PAM: variants seen among roughly 807,000 people sequenced by gnomAD.
PAM encodes the protein peptidylglycine alpha-amidating monooxygenase.
A neutral mutation model predicts 122.1 loss-of-function variants in PAM; 72 were observed. The observed-to-expected ratio is 0.59, with a 90% CI of 0.49 to 0.72. The LOEUF is 0.72. Ranked by LOEUF, PAM falls within the 30% of genes least tolerant of loss-of-function variation. PAM has a pLI of 0.00. For missense variants in PAM, 1,106 were observed against 1,183.7 expected (o/e 0.93, Z 0.96); for synonymous variants, 389 against 404.4 (o/e 0.96, Z 0.46).
In PAM at chr5:102,816,369, G is replaced by A. The variant is rs945816652; in HGVS notation, c.-373-49454G>A. 2.1e-4 allele frequency among the ~76,000 whole-genome samples: 32 copies of A among 152,146 alleles called. 1 individual carries two copies. The highest frequency in any genetic ancestry group is 7.5e-4 in the African/African-American group (31 of 41,434). ...TACATTATAGGAGGAGAGAGAAGAT[G>A]AGAACACAGGACTGTGATGCCACAC... is the stretch of plus-strand genomic sequence containing the variant. On this transcript the variant is annotated intron_variant, in intron 1 of 25. Coordinates refer to ENST00000438793, the MANE Select transcript of PAM (RefSeq NM_001177306.2).
Position 102,984,029 on chromosome 5 carries a change from A to G in PAM, c.1484-6243A>G, listed in dbSNP as rs187885148. Among the ~76,000 whole-genome samples, 39 of 152,348 alleles carry G rather than the reference A, an allele frequency of 2.6e-4. No individual in the cohort carries two copies. In the East Asian group the frequency reaches 7.5e-3, roughly 29 times the overall value. On this transcript the variant is annotated intron_variant, in intron 15 of 25. Coordinates refer to ENST00000438793, the MANE Select transcript of PAM (RefSeq NM_001177306.2). ...ATAAAGAAGTCCAGATTTTACCTCTATAAGCAAAACAACAATATCTACCAT... is the reference window on the plus strand; with the variant it reads ...ATAAAGAAGTCCAGATTTTACCTCTGTAAGCAAAACAACAATATCTACCAT...
At chr5:102,933,228 A>G (rs1051243296) in intron 7 of PAM, among the ~76,000 whole-genome samples, 3 of 152,252 alleles carry the variant, frequency 2.0e-5, no homozygotes, top group Non-Finnish European at 1.5e-5. Context: ...TAGATACAGA[A>G]TCTAGATGAG....
intron 1 of PAM, among the ~76,000 whole-genome samples, chr5:102,819,421 A>C (rs1389462551): frequency 4.0e-5 from 6 of 151,712 alleles, no homozygotes; most frequent in Non-Finnish European, 8.8e-5. Context: ...AATAGTATAA[A>C]TTTGTATTTA....
At chr5:102,960,166 C>T (rs1414984766) in intron 13 of PAM, 107 bp downstream of exon 13, 1 of 639,498 alleles carries the variant, frequency 1.6e-6, no homozygotes, top group Admixed American at 3.1e-5. Context: ...CTTCTTCTAC[C>T]AGTCACATGT....
chr5:102,818,639 G>T (rs1223034013), intron 1 of PAM, among the ~76,000 whole-genome samples: 1 of 152,088 alleles, frequency 6.6e-6, no homozygotes, highest in East Asian at 1.9e-4. Context: ...TCCAGAGAAA[G>T]CCTACTTATC....
chr5:102,909,770 A>G (rs1302892649), intron 4 of PAM, among the ~76,000 whole-genome samples: 1 of 151,892 alleles, frequency 6.6e-6, no homozygotes, highest in Non-Finnish European at 1.5e-5. Context: ...TATGCAAGCT[A>G]AGCTATTTAC....
At chr5:103,003,944 C>T (rs572892303) in intron 17 of PAM, among the ~76,000 whole-genome samples, 2 of 150,848 alleles carry the variant, frequency 1.3e-5, no homozygotes. Context: ...TTCGAGATGG[C>T]ACTTGGCAGC....
intron 1 of PAM, among the ~76,000 whole-genome samples, chr5:102,853,644 G>A (rs1234971952): frequency 6.6e-6 from 1 of 152,174 alleles, no homozygotes; most frequent in Admixed American, 6.5e-5. Context: ...ATTTGGTAGA[G>A]CATTTATCAA....
At chr5:102,995,685 T>A (rs1207299991) in intron 16 of PAM, among the ~76,000 whole-genome samples, 1 of 152,152 alleles carries the variant, frequency 6.6e-6, no homozygotes, top group Non-Finnish European at 1.5e-5. Flanking sequence ...GGATGTATGA[T>A]ACCTAGTTCT....
intron 12 of PAM, among the ~76,000 whole-genome samples, chr5:102,951,705 A>T (rs1219302707): frequency 6.6e-6 from 1 of 152,150 alleles, no homozygotes; most frequent in East Asian, 1.9e-4. Flanking sequence ...AGCATTTGAT[A>T]TAGTGTAAAA....
At chr5:102,790,377 T>C (rs1450841588) in intron 1 of PAM, among the ~76,000 whole-genome samples, 4 of 152,098 alleles carry the variant, frequency 2.6e-5, no homozygotes, top group African/African-American at 9.6e-5. Flanking sequence ...AGTGCTATTA[T>C]TCCCATTGTA....
At chr5:102,789,014 T>C (rs1761331906) in intron 1 of PAM, among the ~76,000 whole-genome samples, 1 of 152,148 alleles carries the variant, frequency 6.6e-6, no homozygotes, top group South Asian at 2.1e-4. Flanking sequence ...TGGATGACAT[T>C]ACCAAAGAGA....
At chr5:102,827,943 G>A (rs1402122084) in intron 1 of PAM, among the ~76,000 whole-genome samples, 2 of 152,060 alleles carry the variant, frequency 1.3e-5, no homozygotes, top group African/African-American at 2.4e-5. Context: ...ACCACTCTTG[G>A]ACTTCATTGA....
intron 3 of PAM, among the ~76,000 whole-genome samples, chr5:102,876,318 T>C (rs1789196485): frequency 6.6e-6 from 1 of 152,178 alleles, no homozygotes; most frequent in South Asian, 2.1e-4. Context: ...CTAACTGACC[T>C]ACCTTGTACC....
intron 7 of PAM, among the ~76,000 whole-genome samples, chr5:102,939,836 G>GTATTGTAAATAC (rs1754505332): frequency 6.6e-6 from 1 of 151,930 alleles, no homozygotes; most frequent in Non-Finnish European, 1.5e-5. Context: ...ATACAGAATA[G>GTATTGTAAATAC]TATTGTAAAT....
At chr5:102,869,878 G>A (rs1429796774) in intron 3 of PAM, among the ~76,000 whole-genome samples, 1 of 151,756 alleles carries the variant, frequency 6.6e-6, no homozygotes, top group Admixed American at 6.6e-5. Flanking sequence ...TAATGAAAAC[G>A]TATTAGAGGG....
At position 103,007,658 on chromosome 5, in the gene PAM, G is replaced by A; in HGVS notation, c.2215+1G>A. 1 of 1,549,570 alleles carries A rather than the reference G, an allele frequency of 6.5e-7. No individual in the cohort carries two copies. The highest frequency in any genetic ancestry group is 8.9e-7 in the Non-Finnish European group (1 of 1,121,622). On this transcript the variant is annotated splice_donor_variant, in intron 20 of 25. Transcript: ENST00000438793. LOFTEE classifies it high-confidence loss of function. ...GTATTTGCAATTTCATATATACCAGGTATTTCATCTTAATATGTTTGTTGT... is the reference window on the plus strand; with the variant it reads ...GTATTTGCAATTTCATATATACCAGATATTTCATCTTAATATGTTTGTTGT...
chr5:102,966,483 T>TA (rs1431238975), intron 14 of PAM, among the ~76,000 whole-genome samples: 1 of 152,114 alleles, frequency 6.6e-6, no homozygotes, highest in African/African-American at 2.4e-5. Flanking sequence ...GGGGAAGAAA[T>TA]AATAAAGTTC....
At chr5:102,826,795 G>T (rs1316057929) in intron 1 of PAM, among the ~76,000 whole-genome samples, 2 of 152,176 alleles carry the variant, frequency 1.3e-5, no homozygotes, top group Admixed American at 6.5e-5. Context: ...CTCTCTGTCT[G>T]CTAGGTTAGG....
Sources: gnomAD v4.1 joint callset for allele counts (sites outside exome capture counted in the v4.1 genomes callset) on GRCh38, gnomAD v4.1.1 for gene constraint, MANE v1.5 for transcripts, NCBI Gene and HGNC (gene_info 2026-07-23, HGNC 2026-07-21) for gene names.